The following PLEC variants were observed in gnomAD, a reference collection of about 807,000 sequenced individuals.
The protein encoded by PLEC is plectin.
PLEC carries 216 observed loss-of-function variants against 392.8 expected under a neutral mutation model. The observed-to-expected ratio is 0.55, with a 90% CI of 0.49 to 0.62. The LOEUF (loss-of-function observed/expected upper bound fraction) is 0.62, where lower values mean the gene tolerates loss of function less well. PLEC is among the 20% of genes least tolerant of loss of function. The pLI is 0.00. For missense variants in PLEC, 6,863 were observed against 6,563.4 expected (o/e 1.05, Z -1.58); for synonymous variants, 3,621 against 2,980.6 (o/e 1.21, Z -7.00).
upstream of PLEC, among the ~76,000 whole-genome samples, chr8:143,955,897 C>A (rs955381927): frequency 6.7e-6 from 1 of 149,208 alleles, no homozygotes; most frequent in Admixed American, 6.7e-5. Context: ...TGGTCCAGAT[C>A]AATTTTTTTA....
chr8:143,937,935 C>T (rs1404026747), intron 3 of PLEC, among the ~76,000 whole-genome samples: 4 of 152,106 alleles, frequency 2.6e-5, no homozygotes, highest in Non-Finnish European at 5.9e-5. Flanking sequence ...CCGAGGGTTG[C>T]GGCCACTCCC....
At position 143,926,868 on chromosome 8, in the gene PLEC, A is replaced by T; in HGVS notation, c.3960T>A (p.Arg1320=). The change falls in exon 30 of 32, where the codon CGT becomes CGA. Residue 1320 remains arginine (R), a synonymous_variant. Coordinates refer to ENST00000345136, the MANE Select transcript of PLEC (RefSeq NM_201384.3). ...GTGTGGTCAGCTCGCTGTAGTGCGT[A>T]CGCAGGTCCACGTACTGTGGAGTAG... The part of the protein sequence containing the change: ...ESVIQEYVDL[R]THYSELTTLT... The T allele has an allele frequency of 6.2e-7, 1 of 1,613,088 alleles. No individual in the cohort carries two copies. Among genetic ancestry groups the T allele is most frequent in the Non-Finnish European group, 8.5e-7 (1 of 1,179,520 alleles).
At chr8:143,971,432 G>C (rs989145416) in intron 1 of PLEC, among the ~76,000 whole-genome samples, 6 of 152,134 alleles carry the variant, frequency 3.9e-5, no homozygotes, top group African/African-American at 1.4e-4. Flanking sequence ...GGCTGGCAAG[G>C]GGTGCCATGC....
At chr8:143,940,749 C>T (rs560663676), upstream of PLEC, among the ~76,000 whole-genome samples, 47 of 152,292 alleles carry the variant, frequency 3.1e-4, no homozygotes, top group Non-Finnish European at 5.0e-4. Context: ...CCCCTGAGGC[C>T]GTGAGGGGGC....
At chr8:143,922,467 G>C (rs11786934) in intron 31 of PLEC, 37 bp downstream of exon 31, 4 of 1,602,038 alleles carry the variant, frequency 2.5e-6, no homozygotes, top group Non-Finnish European at 3.4e-6. Flanking sequence ...GCAGATCCCC[G>C]GGCCCACCCG....
intron 1 of PLEC, among the ~76,000 whole-genome samples, chr8:143,965,004 C>G (rs1295573431): frequency 2.1e-5 from 3 of 145,516 alleles, no homozygotes; most frequent in Non-Finnish European, 3.0e-5. Flanking sequence ...CCCACCCCCC[C>G]GCCCACCCTG....
intron 12 of PLEC, 26 bp from the exon 13 acceptor site, chr8:143,933,377 A>ACC: frequency 6.2e-7 from 1 of 1,605,152 alleles, no homozygotes; most frequent in South Asian, 1.1e-5. Flanking sequence ...CATGACTCGG[A>ACC]GCACAGCTGA....
Position 143,920,901 on chromosome 8 carries a change from A to G in PLEC, c.8920T>C (p.Phe2974Leu). 1 of 1,612,214 alleles carries G rather than the reference A, an allele frequency of 6.2e-7. No homozygotes were observed. Among genetic ancestry groups the G allele is most frequent in the Non-Finnish European group, 8.5e-7 (1 of 1,180,012 alleles). Residue 2974 changes from phenylalanine (F) to leucine (L), a missense_variant, in exon 32 of 32, where the codon TTT (phenylalanine) becomes CTT (leucine). Transcript: ENST00000345136. Reference protein sequence around the residue: ...EEQEQKGRLCFEGLRSLVPAA... With the variant: ...EEQEQKGRLCLEGLRSLVPAA... ...GGCACCAGGCTGCGCAGGCCCTCAA[A>G]GCAAAGCCGGCCCTTCTGCTCCTGC... is the stretch of plus-strand genomic sequence containing the variant.
At chr8:143,972,165 G>C (rs1387836572) in intron 1 of PLEC, among the ~76,000 whole-genome samples, 1 of 152,186 alleles carries the variant, frequency 6.6e-6, no homozygotes, top group Non-Finnish European at 1.5e-5. Context: ...CTCTGTCCTG[G>C]GGCTTGCCAG....
Position 143,923,031 on chromosome 8 carries a change from C to A in PLEC, c.6898G>T (p.Asp2300Tyr), listed in dbSNP as rs1554691215. 6.2e-7 allele frequency: 1 copy of A among 1,611,588 alleles called. No homozygotes were observed. ...AARLRQLAEE[D>Y]LAQQRALAEK... ...GCCAAGGCCCGCTGCTGTGCCAGGT[C>A]CTCCTCTGCCAGCTGCCGCAGTCGC... Residue 2300 changes from aspartate to tyrosine, a missense_variant, in exon 31 of 32, where the codon GAC becomes TAC. Transcript: ENST00000345136.
intron 1 of PLEC, among the ~76,000 whole-genome samples, chr8:143,962,138 A>G (rs1554741053): frequency 6.6e-6 from 1 of 152,252 alleles, no homozygotes; most frequent in Non-Finnish European, 1.5e-5. Context: ...ATTTGTAAAC[A>G]GGGTCTCTGC....
At chr8:143,930,591 C>T in intron 19 of PLEC, 55 bp from the exon 20 acceptor site, 2 of 1,539,146 alleles carry the variant, frequency 1.3e-6, no homozygotes, top group Non-Finnish European at 1.8e-6. Context: ...CAGGCCTGCC[C>T]CAGGCACCCC....
chr8:143,953,252 G>T (rs1362214946), upstream of PLEC, among the ~76,000 whole-genome samples: 2 of 24,094 alleles, frequency 8.3e-5, no homozygotes, highest in East Asian at 9.4e-4. Flanking sequence ...GCAGCCCCCA[G>T]CCCCCCCACC....
chr8:143,937,239 G>C lies in PLEC; in HGVS notation c.268C>G (p.Arg90Gly). 6.2e-7 allele frequency: 1 copy of C among 1,611,566 alleles called. No homozygotes were observed. Among genetic ancestry groups the C allele is most frequent in the Non-Finnish European group, 8.5e-7 (1 of 1,178,872 alleles). Reference sequence around the variant, plus strand: ...TGGAAACGCATCCTCCCCTTCTCCCGGGGCTGTGGGGAGGCACAGTCAGCA... The same window carrying C: ...TGGAAACGCATCCTCCCCTTCTCCCCGGGCTGTGGGGAGGCACAGTCAGCA... Reference protein sequence around the residue: ...LEVLSGDSLPREKGRMRFHKL... With the variant: ...LEVLSGDSLPGEKGRMRFHKL... The change falls in exon 4 of 32, where the codon CGG becomes GGG. Residue 90 changes from arginine to glycine, a missense_variant. Transcript: ENST00000345136.
intron 1 of PLEC, among the ~76,000 whole-genome samples, chr8:143,971,636 T>C (rs1833436232): frequency 1.3e-5 from 2 of 152,256 alleles, no homozygotes; most frequent in South Asian, 4.1e-4. Context: ...CCCGTCCCCT[T>C]GTCTCAAGCC....
chr8:143,956,675 T>C (rs782419330), upstream of PLEC, among the ~76,000 whole-genome samples: 4 of 152,228 alleles, frequency 2.6e-5, no homozygotes, highest in Non-Finnish European at 5.9e-5. Flanking sequence ...CGCCTTTAAC[T>C]TCCCCCCTGA....
At position 143,924,181 on chromosome 8, in the gene PLEC, C is replaced by A. The variant is rs372415930; in HGVS notation, c.5748G>T (p.Thr1916=). The change falls in exon 31 of 32, where the codon ACG becomes ACT. Residue 1916 remains threonine (T), a synonymous_variant. Transcript: ENST00000345136. ...LERQKGLVED[T]LRQRRQVEEE... Reference sequence around the variant, plus strand: ...CCTCCACCTGCCGCCGCTGCCTCAGCGTGTCCTCCACCAGCCCCTTCTGCC... The same window carrying A: ...CCTCCACCTGCCGCCGCTGCCTCAGAGTGTCCTCCACCAGCCCCTTCTGCC... The A allele has an allele frequency of 1.3e-6, 2 of 1,599,054 alleles. No homozygotes were observed. Among genetic ancestry groups the A allele is most frequent in the African/African-American group, 1.3e-5 (1 of 75,008 alleles).
chr8:143,918,045 G>C lies in PLEC; in HGVS notation c.11776C>G (p.Gln3926Glu), dbSNP rs782443785. The C allele has an allele frequency of 1.2e-6, 2 of 1,607,104 alleles. No individual in the cohort carries two copies. Among genetic ancestry groups the C allele is most frequent in the Non-Finnish European group, 1.7e-6 (2 of 1,178,162 alleles). ...TSIEEVTKNL[Q>E]KFLEGTSCIA... ...CAGCTGGTGCCTTCCAGGAACTTCT[G>C]CAAGTTCTTGGTGACCTCCTCGATG... The change falls in exon 32 of 32, where the codon CAG becomes GAG. Residue 3926 changes from glutamine to glutamate, a missense_variant. Transcript: ENST00000345136.
In PLEC at chr8:143,917,647, G is replaced by A. The variant is rs1821008235; in HGVS notation, c.12174C>T (p.Ser4058=). ...AGGCCACCTCCACGGGCAGCCGGTGGCTCTCCTCAGGGTCGATGATGCCGC... is the reference window on the plus strand; with the variant it reads ...AGGCCACCTCCACGGGCAGCCGGTGACTCTCCTCAGGGTCGATGATGCCGC... ...ATGGIIDPEE[S]HRLPVEVAYK... is the part of the protein sequence containing the mutation. Residue 4058 remains serine, a synonymous_variant, in exon 32 of 32, where the codon AGC becomes AGT. Transcript: ENST00000345136. The A allele has an allele frequency of 1.9e-6, 3 of 1,613,664 alleles. No individual in the cohort carries two copies. The highest frequency in any genetic ancestry group is 1.6e-4 in the Middle Eastern group (1 of 6,062).
Sources: gnomAD v4.1 joint callset for allele counts (sites outside exome capture counted in the v4.1 genomes callset) on GRCh38, gnomAD v4.1.1 for gene constraint, MANE v1.5 for transcripts, NCBI Gene and HGNC (gene_info 2026-07-23, HGNC 2026-07-21) for gene names.